Variants in KRT7 observed in about 807,000 individuals in gnomAD.
KRT7 encodes keratin 7.
In KRT7, 50 loss-of-function variants were observed where a neutral mutation model predicts 42.8. The observed-to-expected ratio is 1.17, with a 90% confidence interval of 0.93 to 1.48. KRT7 has a LOEUF of 1.48. Among genes scored for constraint, KRT7 ranks in the 40% most tolerant of loss-of-function variants. The probability of loss-of-function intolerance (pLI) is 0.00; values close to 1 mark genes in which losing one functional copy is unlikely to be tolerated. For missense variants in KRT7, 588 were observed against 637.6 expected, an observed-to-expected ratio of 0.92 and a Z score of 0.84; for synonymous variants, 268 against 266.3, an observed-to-expected ratio of 1.01 and a Z score of -0.06.
downstream of KRT7, among the ~76,000 whole-genome samples, chr12:52,255,046 G>T (rs527977133): frequency 9.8e-5 from 15 of 152,324 alleles, no homozygotes; most frequent in East Asian, 2.7e-3. Flanking sequence ...TATGCCAGGC[G>T]CAGGGCCGAA....
chr12:52,238,639 G>C, intron 3 of KRT7, 41 bp from the exon 4 acceptor site: 2 of 1,211,072 alleles, frequency 1.7e-6, no homozygotes, highest in Non-Finnish European at 2.5e-6. Context: ...CCTGTACTGA[G>C]GACATGGTCT....
chr12:52,233,918 C>G (rs539938575), intron 1 of KRT7, among the ~76,000 whole-genome samples: 1 of 152,180 alleles, frequency 6.6e-6, no homozygotes, highest in Non-Finnish European at 1.5e-5. Flanking sequence ...GCCTGTTGGT[C>G]ACCTGGACCA....
downstream of KRT7, chr12:52,253,354 T>G (rs1163999422): frequency 4.3e-6 from 7 of 1,611,696 alleles, no homozygotes; most frequent in Middle Eastern, 3.3e-4. Flanking sequence ...GAAGTAGAGT[T>G]GCTTATGAGG....
chr12:52,235,921 C>T (rs765152087), intron 2 of KRT7, among the ~76,000 whole-genome samples: 11 of 152,114 alleles, frequency 7.2e-5, no homozygotes, highest in Admixed American at 5.9e-4. Context: ...GTGAGCCATG[C>T]GAGGGCCGCA....
rs1942027499 is a variant in KRT7, at chr12:52,237,520, A to G, written c.548A>G (p.Glu183Gly). Residue 183 changes from glutamate (E) to glycine (G), a missense_variant, in exon 3 of 9, where the codon GAA becomes GGA. By Grantham distance (98) the Glu-to-Gly change is moderately conservative (BLOSUM62 -2). Coordinates refer to ENST00000331817, the MANE Select transcript of KRT7 (RefSeq NM_005556.4). ...VEDFKNKYED[E>G]INHRTAAENE... is the part of the protein sequence containing the mutation. ...CTCCTCTACTGTAGGTACGAAGATG[A>G]AATTAACCACCGCACAGCTGCTGAG... The G allele has an allele frequency of 6.2e-7, 1 of 1,611,864 alleles. No homozygotes were observed. The highest frequency in any genetic ancestry group is 1.3e-5 in the African/African-American group (1 of 74,966).
At chr12:52,237,826 A>G in intron 3 of KRT7, 1 of 318,002 alleles carries the variant, frequency 3.1e-6, no homozygotes, top group Non-Finnish European at 5.7e-6. Flanking sequence ...GATGGAGATT[A>G]TAGAGGGAGA....
At chr12:52,237,471 G>T in intron 2 of KRT7, 38 bp from the exon 3 acceptor site, 1 of 1,503,000 alleles carries the variant, frequency 6.7e-7, no homozygotes, top group East Asian at 2.3e-5. Context: ...GAGCATGGAG[G>T]CAAAGCTGCA....
chr12:52,253,327 C>A (rs576851558), downstream of KRT7: 16 of 1,612,898 alleles, frequency 9.9e-6, no homozygotes, highest in Admixed American at 1.7e-4. Flanking sequence ...CCGTGGCCTT[C>A]ATCTCCTCAC....
chr12:52,233,728 C>T, intron 1 of KRT7, 108 bp downstream of exon 1: 2 of 1,087,066 alleles, frequency 1.8e-6, no homozygotes, highest in Non-Finnish European at 2.8e-6. Flanking sequence ...GCACTGCCGC[C>T]CTTCTGTCTT....
chr12:52,253,826 C>T (rs1292506986), downstream of KRT7: 3 of 532,356 alleles, frequency 5.6e-6, no homozygotes, highest in African/African-American at 3.8e-5. Context: ...TGGTAGCCCA[C>T]CCTCATCATC....
downstream of KRT7, among the ~76,000 whole-genome samples, chr12:52,255,640 G>A (rs1942324134): frequency 6.6e-6 from 1 of 152,160 alleles, no homozygotes; most frequent in Non-Finnish European, 1.5e-5. Flanking sequence ...GGGTCAGGGT[G>A]GGGGCCCTGC....
In KRT7 at chr12:52,233,327, A is replaced by G. The variant is rs765875334; in HGVS notation, c.31A>G (p.Thr11Ala). 2 of 1,568,536 alleles carry G rather than the reference A, an allele frequency of 1.3e-6. No homozygotes were observed. Among genetic ancestry groups the G allele is most frequent in the Non-Finnish European group, 1.7e-6 (2 of 1,162,992 alleles). ...CATCCACTTCAGCTCCCCGGTATTC[A>G]CCTCGCGCTCAGCCGCCTTCTCGGG... MSIHFSSPVF[T>A]SRSAAFSGRG... Residue 11 changes from threonine to alanine, a missense_variant, in exon 1 of 9, where the codon ACC (threonine) becomes GCC (alanine). Transcript: ENST00000331817.
At position 52,238,762 on chromosome 12, in the gene KRT7, C is replaced by T. The variant is rs779552540; in HGVS notation, c.680C>T (p.Thr227Ile). The change falls in exon 4 of 9, where the codon ACC (threonine) becomes ATC (isoleucine). Residue 227 changes from threonine to isoleucine, a missense_variant. Thr to Ile is a moderately conservative substitution (Grantham distance 89, BLOSUM62 -1). Transcript: ENST00000331817. ...AATGATGAGATCAACTTCCTCAGGA[C>T]CCTCAATGAGACGGTGAGGACCATG... ...ALNDEINFLR[T>I]LNETELTELQ... 5 of 1,607,762 alleles carry T rather than the reference C, an allele frequency of 3.1e-6. No homozygotes were observed. The South Asian group carries it at 4.4e-5, about 14-fold the overall frequency.
chr12:52,235,139 T>G lies in KRT7; in HGVS notation c.325-16T>G, dbSNP rs1233203430. The G allele has an allele frequency of 5.6e-6, 9 of 1,613,310 alleles. No homozygotes were observed. The African/African-American group carries it at 9.3e-5, about 17-fold the overall frequency. ...CTCTGGCTCCTCTTGAGTTTCCTCC[T>G]TCTCGCCCGTTCTAGGTGCGGTTTC... On this transcript the variant is annotated splice_polypyrimidine_tract_variant and intron_variant, in intron 1 of 8. Coordinates refer to ENST00000331817, the MANE Select transcript of KRT7 (RefSeq NM_005556.4).
At chr12:52,249,752 CA>C (rs1942234358), downstream of KRT7, among the ~76,000 whole-genome samples, 4 of 152,134 alleles carry the variant, frequency 2.6e-5, no homozygotes, top group Middle Eastern at 3.4e-3. Flanking sequence ...TCTGGGACCC[CA>C]GGGGTGATGG....
chr12:52,255,411 C>T (rs1450200708), downstream of KRT7: 1 of 456,742 alleles, frequency 2.2e-6, no homozygotes, highest in Non-Finnish European at 4.4e-6. Context: ...TTCTTCATAC[C>T]TGGGGACAAA....
intron 4 of KRT7, among the ~76,000 whole-genome samples, chr12:52,239,671 G>A (rs1942057936): frequency 6.6e-6 from 1 of 152,136 alleles, no homozygotes. Flanking sequence ...GGTTGTGACA[G>A]GGTTCAAAGG....
intron 2 of KRT7, among the ~76,000 whole-genome samples, chr12:52,235,742 C>G (rs1942004142): frequency 6.6e-6 from 1 of 152,182 alleles, no homozygotes; most frequent in Admixed American, 6.5e-5. Flanking sequence ...GAGCAACTCT[C>G]TTTTGTTCAG....
chr12:52,250,627 G>C, downstream of KRT7: 1 of 885,306 alleles, frequency 1.1e-6, no homozygotes, highest in Non-Finnish European at 1.8e-6. Flanking sequence ...ACCCCGCCGC[G>C]AGAGCTGCTG....
Sources: gnomAD v4.1 joint callset for allele counts (sites outside exome capture counted in the v4.1 genomes callset) on GRCh38, gnomAD v4.1.1 for gene constraint, MANE v1.5 for transcripts, NCBI Gene and HGNC (gene_info 2026-07-23, HGNC 2026-07-21) for gene names.